The following PLPPR4 variants were observed in gnomAD, a reference collection of about 807,000 sequenced individuals.
The protein encoded by PLPPR4 is phospholipid phosphatase-related protein type 4.
PLPPR4 carries 24 observed loss-of-function variants against 56.6 expected under a neutral mutation model. That is an observed-to-expected ratio of 0.42 (90% CI 0.31 to 0.60). The LOEUF (loss-of-function observed/expected upper bound fraction) is 0.60, where lower values mean the gene tolerates loss of function less well. PLPPR4 is among the 20% of genes least tolerant of loss of function. The probability of loss-of-function intolerance (pLI) is 0.13; values close to 1 mark genes in which losing one functional copy is unlikely to be tolerated. For synonymous variants in PLPPR4, 326 were observed against 328.1 expected (o/e 0.99, Z 0.07); for missense variants, 654 against 885.8 (o/e 0.74, Z 3.32).
Position 99,308,338 on chromosome 1 carries a change from T to A in PLPPR4, c.*1328T>A, listed in dbSNP as rs997615477. The A allele has an allele frequency of 5.9e-5, 9 of 152,224 alleles. 1 individual carries two copies. Among genetic ancestry groups the A allele is most frequent in the South Asian group, 4.1e-4 (2 of 4,832 alleles). 9.4% of individuals were successfully genotyped at this position (152,224 alleles called of 1,614,324 possible). A position where few individuals can be genotyped will look rare whatever the true frequency, so the allele number is the denominator to read the frequency against. ...CAAAATATCTGAATAGGTGCAGTTT[T>A]AGTTTAACATGCAAACAACCATTGT... On this transcript the variant is annotated 3_prime_UTR_variant, in exon 7 of 7. Coordinates refer to ENST00000370185, the MANE Select transcript of PLPPR4 (RefSeq NM_014839.5).
chr1:99,306,621 C>T lies in PLPPR4; in HGVS notation c.1759C>T (p.Gln587Ter). The T allele has an allele frequency of 6.2e-7, 1 of 1,614,120 alleles. No individual in the cohort carries two copies. The change falls in exon 7 of 7, where the codon CAG becomes TAG. Residue 587 changes from glutamine (Q) to a stop codon, truncating the protein, a stop_gained. Transcript: ENST00000370185. LOFTEE classifies it high-confidence loss of function. This position sits in a 1 kb window ranked among gnomAD's most constrained non-coding sequence, Gnocchi z 4.0. ...CCCAGAGAACAACAGGCCCATCATA[C>T]AGATCCCGTCCACTGAAGGTGAAGG... is the stretch of plus-strand genomic sequence containing the variant. ...AHPENNRPII[Q>*]IPSTEGEGSG...
At chr1:99,263,087 T>C (rs1224473167), upstream of PLPPR4, among the ~76,000 whole-genome samples, 1 of 151,994 alleles carries the variant, frequency 6.6e-6, no homozygotes. Context: ...ATTTGAGAAG[T>C]GAGAAGTTGT....
intron 1 of PLPPR4, among the ~76,000 whole-genome samples, chr1:99,277,802 G>T (rs936457180): frequency 2.0e-5 from 3 of 151,662 alleles, no homozygotes; most frequent in Non-Finnish European, 4.4e-5. Context: ...GCTTATTTTG[G>T]TGCAAAAAAT....
intron 2 of PLPPR4, among the ~76,000 whole-genome samples, chr1:99,290,344 TATC>T (rs1659584966): frequency 6.6e-6 from 1 of 152,064 alleles, no homozygotes; most frequent in Non-Finnish European, 1.5e-5. Flanking sequence ...AAAGAATCAA[TATC>T]ATGAAAATGG....
At position 99,306,234 on chromosome 1, in the gene PLPPR4, C is replaced by G; in HGVS notation, c.1372C>G (p.Pro458Ala). The G allele has an allele frequency of 1.2e-6, 2 of 1,614,116 alleles. No individual in the cohort carries two copies. Among genetic ancestry groups the G allele is most frequent in the Admixed American group, 1.7e-5 (1 of 60,014 alleles). ...GPGNQYLKIQ[P>A]GAVPGCNNSM... ...TGGCAATCAGTACCTCAAAATCCAG[C>G]CTGGCGCTGTCCCCGGATGTAACAA... Residue 458 changes from proline (P) to alanine (A), a missense_variant, in exon 7 of 7, where the codon CCT becomes GCT. Pro to Ala is a conservative substitution (Grantham distance 27). Around this residue, in one of 2 missense-constraint regions of PLPPR4, gnomAD observed 468 missense variants for 554.3 expected, o/e 0.84. Coordinates refer to ENST00000370185, the MANE Select transcript of PLPPR4 (RefSeq NM_014839.5). This position sits in a 1 kb window ranked among gnomAD's most constrained non-coding sequence, Gnocchi z 4.0.
intron 6 of PLPPR4, among the ~76,000 whole-genome samples, chr1:99,303,664 T>C (rs1319879385): frequency 6.6e-6 from 1 of 152,222 alleles, no homozygotes; most frequent in East Asian, 1.9e-4. Context: ...AAGAAAATTA[T>C]TACCAAAATA....
At chr1:99,287,280 C>A (rs1659489931) in intron 1 of PLPPR4, among the ~76,000 whole-genome samples, 1 of 152,086 alleles carries the variant, frequency 6.6e-6, no homozygotes. Flanking sequence ...TTTTCTCTAT[C>A]CAGTCTATCA....
At chr1:99,264,810 T>A in intron 1 of PLPPR4, 139 bp downstream of exon 1, 1 of 838,390 alleles carries the variant, frequency 1.2e-6, no homozygotes, top group South Asian at 1.5e-5. Flanking sequence ...CCTCCCCTCT[T>A]CCCCTAGATT....
In PLPPR4 at chr1:99,301,720, T is replaced by C. The variant is rs1390949109; in HGVS notation, c.649-4T>C. The C allele has an allele frequency of 1.9e-6, 3 of 1,597,148 alleles. No individual in the cohort carries two copies. Among genetic ancestry groups the C allele is most frequent in the South Asian group, 2.3e-5 (2 of 88,598 alleles). ...ATACTTAACCCATTTCTTCCATTTT[T>C]AAGATGTACTTCAATTCCACATTAA... On this transcript the variant is annotated splice_polypyrimidine_tract_variant and splice_region_variant and intron_variant, in intron 5 of 6. Coordinates refer to ENST00000370185, the MANE Select transcript of PLPPR4 (RefSeq NM_014839.5).
chr1:99,269,075 T>C (rs1405496070), intron 1 of PLPPR4, among the ~76,000 whole-genome samples: 1 of 152,114 alleles, frequency 6.6e-6, no homozygotes, highest in Non-Finnish European at 1.5e-5. Flanking sequence ...ATCCATCCCC[T>C]AGCCCCCCAA....
chr1:99,278,831 A>G (rs1172953077), intron 1 of PLPPR4, among the ~76,000 whole-genome samples: 2 of 150,526 alleles, frequency 1.3e-5, no homozygotes, highest in African/African-American at 2.5e-5. Flanking sequence ...AGGTATAAAA[A>G]CATAGAACAG....
At position 99,305,800 on chromosome 1, in the gene PLPPR4, A is replaced by T; in HGVS notation, c.938A>T (p.Lys313Ile). ...GATCCCAACCGACTTTTATCTGCTAAAAATGGTAGCAGCAGTGATGGAATT... is the reference window on the plus strand; with the variant it reads ...GATCCCAACCGACTTTTATCTGCTATAAATGGTAGCAGCAGTGATGGAATT... ...NQDPNRLLSA[K>I]NGSSSDGIAH... The change falls in exon 7 of 7, where the codon AAA becomes ATA. Residue 313 changes from lysine (K) to isoleucine (I), a missense_variant. Physicochemically the swap from Lys to Ile is moderately radical, Grantham distance 102 (BLOSUM62 -3). This residue lies in a region of PLPPR4 where 468 missense variants were observed against 554.3 expected (regional missense o/e 0.84). Coordinates refer to ENST00000370185, the MANE Select transcript of PLPPR4 (RefSeq NM_014839.5). The T allele has an allele frequency of 6.2e-7, 1 of 1,614,132 alleles. No individual in the cohort carries two copies. The highest frequency in any genetic ancestry group is 8.5e-7 in the Non-Finnish European group (1 of 1,180,022).
intron 1 of PLPPR4, among the ~76,000 whole-genome samples, chr1:99,286,778 C>T (rs1240007599): frequency 1.3e-5 from 2 of 152,076 alleles, no homozygotes. Flanking sequence ...GTGGTGAAAA[C>T]GTAGTACAAG....
chr1:99,283,055 A>G (rs1282537437), intron 1 of PLPPR4, among the ~76,000 whole-genome samples: 2 of 150,820 alleles, frequency 1.3e-5, no homozygotes, highest in African/African-American at 4.9e-5. Flanking sequence ...TGAAATATTC[A>G]TGGGAACAGA....
chr1:99,280,566 G>A (rs1659298168), intron 1 of PLPPR4, among the ~76,000 whole-genome samples: 1 of 152,070 alleles, frequency 6.6e-6, no homozygotes. Flanking sequence ...GGCAAGGGTT[G>A]GTAATATGTA....
intron 4 of PLPPR4, 31 bp from the exon 5 acceptor site, chr1:99,300,878 A>G: frequency 1.3e-6 from 2 of 1,567,170 alleles, no homozygotes; most frequent in Non-Finnish European, 8.8e-7. Context: ...TCTGAACTAC[A>G]AGGCATAATT....
intron 1 of PLPPR4, among the ~76,000 whole-genome samples, chr1:99,281,075 GAC>G (rs1219929056): frequency 6.6e-6 from 1 of 152,132 alleles, no homozygotes; most frequent in Non-Finnish European, 1.5e-5. Context: ...ATAAGGCAGT[GAC>G]AGTGTGAAAG....
At chr1:99,298,410 A>T (rs1659799238) in intron 3 of PLPPR4, among the ~76,000 whole-genome samples, 1 of 152,134 alleles carries the variant, frequency 6.6e-6, no homozygotes, top group African/African-American at 2.4e-5. Flanking sequence ...GTCCTAGGAG[A>T]AACAGAAAAA....
At chr1:99,291,593 C>T (rs1026906737) in intron 2 of PLPPR4, among the ~76,000 whole-genome samples, 18 of 152,082 alleles carry the variant, frequency 1.2e-4, no homozygotes, top group African/African-American at 4.4e-4. Flanking sequence ...TACTATGCAG[C>T]CATAAAAAAA....
Sources: allele counts gnomAD v4.1 joint callset (sites outside exome capture counted in the v4.1 genomes callset), GRCh38; gene constraint gnomAD v4.1.1; regional missense constraint gnomAD v4.1.1; non-coding constraint Gnocchi (gnomAD v3.1); transcripts MANE v1.5; gene names NCBI Gene and HGNC (gene_info 2026-07-23, HGNC 2026-07-21).